The following NT5DC1 variants were observed in gnomAD, a reference collection of about 807,000 sequenced individuals.
NT5DC1 encodes 5'-nucleotidase domain containing 1, also known as 5'-nucleotidase domain-containing protein 1.
Under a neutral mutation model 59.4 loss-of-function variants are expected in NT5DC1, and 42 were observed. That is an observed-to-expected ratio of 0.71 (90% confidence interval 0.55 to 0.92). The LOEUF (loss-of-function observed/expected upper bound fraction) is 0.92. Ranked by LOEUF, NT5DC1 falls within the 40% of genes least tolerant of loss-of-function variation. The pLI is 0.00. For synonymous variants in NT5DC1, 172 were observed against 188.1 expected (o/e 0.91, Z 0.70); for missense variants, 501 against 537.1 (o/e 0.93, Z 0.66).
intron 6 of NT5DC1, chr6:116,145,611 T>C: frequency 5.7e-6 from 1 of 173,978 alleles, no homozygotes; most frequent in South Asian, 1.1e-4. Context: ...TTTGTTTTTT[T>C]ACTAATGTTA....
intron 6 of NT5DC1, chr6:116,145,411 C>A: frequency 2.9e-6 from 1 of 341,672 alleles, no homozygotes; most frequent in South Asian, 2.4e-5. Flanking sequence ...AAATGCAAAA[C>A]TTTTTCTGTT....
At chr6:116,155,481 A>C (rs1780164967) in intron 6 of NT5DC1, among the ~76,000 whole-genome samples, 1 of 152,154 alleles carries the variant, frequency 6.6e-6, no homozygotes, top group Admixed American at 6.6e-5. Context: ...TATTTTAAGA[A>C]TATCATGTAA....
chr6:116,164,424 C>T (rs964966213), intron 6 of NT5DC1, among the ~76,000 whole-genome samples: 4 of 151,780 alleles, frequency 2.6e-5, no homozygotes, highest in African/African-American at 9.7e-5. Context: ...TTTTTTGTTC[C>T]CCATTTGCAT....
intron 6 of NT5DC1, chr6:116,121,755 C>T (rs760596392): frequency 1.2e-6 from 2 of 1,613,892 alleles, no homozygotes; most frequent in East Asian, 2.2e-5. Flanking sequence ...CCATATGGTC[C>T]TCTCTCTCCT....
At chr6:116,211,357 T>C (rs1187451116) in intron 6 of NT5DC1, among the ~76,000 whole-genome samples, 1 of 152,082 alleles carries the variant, frequency 6.6e-6, no homozygotes, top group Non-Finnish European at 1.5e-5. Context: ...TAAGCCATCA[T>C]GTTTGAGGTG....
intron 6 of NT5DC1, chr6:116,145,377 G>C (rs1736702611): frequency 3.2e-6 from 1 of 311,658 alleles, no homozygotes; most frequent in African/African-American, 2.2e-5. Flanking sequence ...TTAAATTGAT[G>C]GTAAGAAGAA....
At chr6:116,149,913 A>T (rs1562139608) in intron 6 of NT5DC1, among the ~76,000 whole-genome samples, 1 of 152,246 alleles carries the variant, frequency 6.6e-6, no homozygotes, top group Non-Finnish European at 1.5e-5. Context: ...TCTAAAGCAT[A>T]GTGTTCCCCC....
intron 5 of NT5DC1, among the ~76,000 whole-genome samples, chr6:116,117,468 C>T (rs192807525): frequency 1.3e-5 from 2 of 152,174 alleles, no homozygotes; most frequent in East Asian, 1.9e-4. Flanking sequence ...ATAAACCCAT[C>T]GTTAAGTCAA....
chr6:116,153,317 G>A (rs939869142), intron 6 of NT5DC1, among the ~76,000 whole-genome samples: 1 of 141,418 alleles, frequency 7.1e-6, no homozygotes, highest in African/African-American at 2.8e-5. Context: ...TACACAGACT[G>A]CCCATAAACA....
At chr6:116,208,079 G>A (rs1479999936) in intron 6 of NT5DC1, among the ~76,000 whole-genome samples, 1 of 151,966 alleles carries the variant, frequency 6.6e-6, no homozygotes, top group Non-Finnish European at 1.5e-5. Context: ...GTGTGGGGCA[G>A]ATTTCCTTAA....
chr6:116,226,592 A>G (rs1385593714), intron 8 of NT5DC1, among the ~76,000 whole-genome samples: 1 of 152,058 alleles, frequency 6.6e-6, no homozygotes, highest in East Asian at 1.9e-4. Context: ...TGTTAGTTGT[A>G]TAGTACAATT....
intron 6 of NT5DC1, among the ~76,000 whole-genome samples, chr6:116,129,819 T>A (rs1422783650): frequency 2.0e-5 from 3 of 152,200 alleles, no homozygotes; most frequent in African/African-American, 7.2e-5. Context: ...TCTCATGCAA[T>A]TTCCTGTGAT....
chr6:116,202,723 T>G (rs1386758015), intron 6 of NT5DC1, among the ~76,000 whole-genome samples: 1 of 151,990 alleles, frequency 6.6e-6, no homozygotes, highest in African/African-American at 2.4e-5. Flanking sequence ...GTGTACAGTT[T>G]CATAAATGCA....
intron 5 of NT5DC1, among the ~76,000 whole-genome samples, chr6:116,117,632 T>G (rs1008016157): frequency 6.6e-6 from 1 of 152,204 alleles, no homozygotes; most frequent in Non-Finnish European, 1.5e-5. Flanking sequence ...GAATAGCTCA[T>G]GTAATTTATT....
intron 6 of NT5DC1, among the ~76,000 whole-genome samples, chr6:116,197,116 C>T (rs1221648025): frequency 6.6e-6 from 1 of 151,874 alleles, no homozygotes. Flanking sequence ...CACCTCCTTT[C>T]TCCATTTGTA....
chr6:116,129,606 C>T (rs139785685), intron 6 of NT5DC1, among the ~76,000 whole-genome samples: 4 of 152,276 alleles, frequency 2.6e-5, no homozygotes, highest in South Asian at 2.1e-4. Flanking sequence ...ACAGCATGAA[C>T]GCTCTCTCCA....
chr6:116,116,744 C>CA (rs1778972224), intron 5 of NT5DC1, among the ~76,000 whole-genome samples: 1 of 151,996 alleles, frequency 6.6e-6, no homozygotes, highest in African/African-American at 2.4e-5. Flanking sequence ...TTCCATTGAG[C>CA]AATAGTTTGG....
At chr6:116,243,183 C>G (rs1562179415) in intron 11 of NT5DC1, among the ~76,000 whole-genome samples, 1 of 152,162 alleles carries the variant, frequency 6.6e-6, no homozygotes, top group Non-Finnish European at 1.5e-5. Flanking sequence ...TATTAAAATT[C>G]TTATTTAGCT....
At chr6:116,168,157 G>C (rs1780519277) in intron 6 of NT5DC1, among the ~76,000 whole-genome samples, 1 of 145,732 alleles carries the variant, frequency 6.9e-6, no homozygotes, top group Non-Finnish European at 1.5e-5. Flanking sequence ...GGTTTGTTTT[G>C]GAAAATTCTG....
Sources: gnomAD v4.1 joint callset for allele counts (sites outside exome capture counted in the v4.1 genomes callset) on GRCh38, gnomAD v4.1.1 for gene constraint, MANE v1.5 for transcripts, NCBI Gene and HGNC (gene_info 2026-07-23, HGNC 2026-07-21) for gene names.